The following GNG2 variants were observed in gnomAD, a reference collection of about 807,000 sequenced individuals.
GNG2 encodes guanine nucleotide-binding protein G(I)/G(S)/G(O) subunit gamma-2.
In GNG2, 5 loss-of-function variants were observed where a neutral mutation model predicts 5.5. The observed-to-expected ratio is 0.91, with a 90% CI of 0.48 to 1.92. GNG2 has a LOEUF of 1.92. Ranked by LOEUF, GNG2 falls within the 30% of genes most tolerant of loss-of-function variation. The pLI is 0.01. For missense variants in GNG2, 55 were observed against 88.4 expected (o/e 0.62, Z 1.52); for synonymous variants, 28 against 32.0 (o/e 0.88, Z 0.42).
At chr14:51,912,417 A>C (rs1886351006) in intron 2 of GNG2, among the ~76,000 whole-genome samples, 1 of 151,994 alleles carries the variant, frequency 6.6e-6, no homozygotes, top group African/African-American at 2.4e-5. Flanking sequence ...TGATAATGTT[A>C]CACCCTCACT....
At chr14:51,949,595 T>C (rs1035868259) in intron 2 of GNG2, among the ~76,000 whole-genome samples, 9 of 152,200 alleles carry the variant, frequency 5.9e-5, no homozygotes, top group African/African-American at 2.2e-4. Context: ...GTGTTTAATG[T>C]TTCTGTTTCA....
intron 2 of GNG2, among the ~76,000 whole-genome samples, chr14:51,913,812 A>G (rs1426563319): frequency 6.6e-6 from 1 of 152,236 alleles, no homozygotes; most frequent in African/African-American, 2.4e-5. Flanking sequence ...TTCTATTATT[A>G]GGATTAAAGT....
chr14:51,925,516 C>T (rs1237881873), intron 2 of GNG2, among the ~76,000 whole-genome samples: 9 of 152,176 alleles, frequency 5.9e-5, no homozygotes, highest in East Asian at 3.8e-4. Flanking sequence ...AATTAGGAAG[C>T]GCTCAGAATC....
chr14:51,911,092 G>T (rs901353985), intron 2 of GNG2, among the ~76,000 whole-genome samples: 2 of 152,176 alleles, frequency 1.3e-5, no homozygotes, highest in African/African-American at 2.4e-5. Flanking sequence ...GGTGCACTTG[G>T]CGGGTGAGAG....
In GNG2 at chr14:51,906,900, T is replaced by C. The variant is rs577796679; in HGVS notation, c.-30+29243T>C. Among the ~76,000 whole-genome samples, 28 of 151,788 alleles carry C rather than the reference T, an allele frequency of 1.8e-4. No homozygotes were observed. In the East Asian group the frequency reaches 4.5e-3, roughly 24 times the overall value. On this transcript the variant is annotated intron_variant, in intron 2 of 3. Transcript: ENST00000556766. ...CCTCCCGAGTAGCTGGGACTACAGG[T>C]GCCCGCCACCACACCCGGCTAATTT...
chr14:51,947,213 G>A (rs1342063360), intron 2 of GNG2, among the ~76,000 whole-genome samples: 1 of 152,094 alleles, frequency 6.6e-6, no homozygotes, highest in African/African-American at 2.4e-5. Context: ...TTCCATGATA[G>A]GCAGAATAAC....
At chr14:51,898,699 G>C (rs1885360474) in intron 2 of GNG2, among the ~76,000 whole-genome samples, 1 of 152,206 alleles carries the variant, frequency 6.6e-6, no homozygotes. Context: ...CTCGAACTCT[G>C]TAACGTTCCA....
At chr14:51,948,833 G>A (rs556381545) in intron 2 of GNG2, among the ~76,000 whole-genome samples, 88 of 152,190 alleles carry the variant, frequency 5.8e-4, no homozygotes, top group African/African-American at 1.9e-3. Flanking sequence ...AAAATAAATT[G>A]AGGGATGGCC....
intron 2 of GNG2, among the ~76,000 whole-genome samples, chr14:51,905,851 G>A (rs1370839583): frequency 6.6e-6 from 1 of 152,196 alleles, no homozygotes; most frequent in Non-Finnish European, 1.5e-5. Context: ...ATTTTACTCG[G>A]CACTTTTCCT....
chr14:51,878,313 A>G (rs1883813395), intron 2 of GNG2, among the ~76,000 whole-genome samples: 1 of 152,164 alleles, frequency 6.6e-6, no homozygotes, highest in Non-Finnish European at 1.5e-5. Context: ...ATGTAACTTC[A>G]TTATGAAAAA....
intron 2 of GNG2, among the ~76,000 whole-genome samples, chr14:51,846,406 CA>C (rs1881629947): frequency 6.6e-6 from 1 of 152,066 alleles, no homozygotes; most frequent in Non-Finnish European, 1.5e-5. Context: ...TGTTACAAAT[CA>C]ATTTTAAAAA....
chr14:51,957,157 A>G (rs553144703), intron 3 of GNG2, among the ~76,000 whole-genome samples: 15 of 61,896 alleles, frequency 2.4e-4, no homozygotes, highest in Non-Finnish European at 4.0e-4. Context: ...TGTGCAGTAG[A>G]TCCCACCTCT....
chr14:51,867,107 T>C lies in GNG2; in HGVS notation c.-71+6317T>C, dbSNP rs565557759. ...AATTAAGAAGTAGATGAAACAAATC[T>C]CCTCCTACCTCTCTGCGGGCTCCAA... On this transcript the variant is annotated intron_variant, in intron 1 of 3. Transcript: ENST00000556766. 3.4e-3 allele frequency among the ~76,000 whole-genome samples: 522 copies of C among 152,320 alleles called. 2 individuals carry two copies. The highest frequency in any genetic ancestry group is 0.012 in the African/African-American group (494 of 41,572).
chr14:51,868,198 C>T (rs1438099303), intron 1 of GNG2, among the ~76,000 whole-genome samples: 4 of 152,132 alleles, frequency 2.6e-5, no homozygotes, highest in African/African-American at 7.2e-5. Flanking sequence ...GCCAGGGAGA[C>T]TAGGATGAAC....
At chr14:51,836,919 A>G (rs536369899) in intron 2 of GNG2, among the ~76,000 whole-genome samples, 1 of 143,778 alleles carries the variant, frequency 7.0e-6, no homozygotes, top group South Asian at 2.2e-4. Flanking sequence ...GTGCAGTGGC[A>G]TGATCTCGGC....
chr14:51,865,623 T>G (rs1323181126), intron 1 of GNG2, among the ~76,000 whole-genome samples: 3 of 152,146 alleles, frequency 2.0e-5, no homozygotes, highest in African/African-American at 7.2e-5. Context: ...ACCTCCCAGT[T>G]ACAACTCCAT....
At chr14:51,857,403 AG>A (rs1395768049), upstream of GNG2, among the ~76,000 whole-genome samples, 2 of 152,234 alleles carry the variant, frequency 1.3e-5, no homozygotes, top group African/African-American at 4.8e-5. Context: ...ACAGGCCCTA[AG>A]GTGAGAATGT....
chr14:51,843,133 T>G (rs1054663386), intron 2 of GNG2, among the ~76,000 whole-genome samples: 2 of 152,204 alleles, frequency 1.3e-5, no homozygotes, highest in African/African-American at 4.8e-5. Context: ...TTTTAATCAA[T>G]GCTCTCCTTT....
At chr14:51,933,486 G>T (rs1239296220) in intron 2 of GNG2, among the ~76,000 whole-genome samples, 1 of 152,184 alleles carries the variant, frequency 6.6e-6, no homozygotes, top group African/African-American at 2.4e-5. Flanking sequence ...CAAGGGACAG[G>T]TTTTATTTTT....
Sources: gnomAD v4.1 joint callset for allele counts (sites outside exome capture counted in the v4.1 genomes callset) on GRCh38, gnomAD v4.1.1 for gene constraint, MANE v1.5 for transcripts, NCBI Gene and HGNC (gene_info 2026-07-23, HGNC 2026-07-21) for gene names.